CFH: variants seen among roughly 807,000 people sequenced by gnomAD.
CFH encodes the protein complement factor H, also known as H factor 1 (complement).
Under a neutral mutation model 147.3 loss-of-function variants are expected in CFH, and 53 were observed. The ratio of observed to expected loss-of-function variants is 0.36; its 90% CI spans 0.29 to 0.45. CFH has a LOEUF of 0.45. CFH is among the 20% of genes least tolerant of loss of function. The pLI is 1.00. For synonymous variants in CFH, 536 were observed against 489.4 expected (o/e 1.10, Z -1.26); for missense variants, 1,380 against 1,498.0 (o/e 0.92, Z 1.30).
intron 1 of CFH, among the ~76,000 whole-genome samples, chr1:196,656,071 C>G (rs1314530196): frequency 1.3e-5 from 2 of 152,004 alleles, no homozygotes; most frequent in East Asian, 3.9e-4. Flanking sequence ...TTTGGGAGGC[C>G]CAGGTGGGTG....
Position 196,689,431 on chromosome 1 carries a change from G to T in CFH, c.976G>T (p.Asp326Tyr). 1.2e-6 allele frequency: 2 copies of T among 1,612,604 alleles called. No homozygotes were observed. The highest frequency in any genetic ancestry group is 1.1e-5 in the South Asian group (1 of 90,812). The part of the protein sequence containing the change: ...PAPRCTLKPC[D>Y]YPDIKHGGLY... ...ATTTTTATTGCAAGTGAAACCTTGT[G>T]ATTATCCAGACATTAAACATGGAGG... Residue 326 changes from aspartate to tyrosine, a missense_variant, in exon 8 of 22, where the codon GAT becomes TAT. Around this residue, in one of 4 missense-constraint regions of CFH, gnomAD observed 167 missense variants for 228.0 expected, o/e 0.73. Transcript: ENST00000367429.
At chr1:196,680,256 T>G (rs1379046024) in intron 6 of CFH, among the ~76,000 whole-genome samples, 1 of 151,484 alleles carries the variant, frequency 6.6e-6, no homozygotes, top group Non-Finnish European at 1.5e-5. Context: ...GTGAATATTT[T>G]TGTTAACAAC....
chr1:196,679,261 T>C (rs1667569567), intron 5 of CFH: 1 of 174,950 alleles, frequency 5.7e-6, no homozygotes, highest in Non-Finnish European at 1.2e-5. Context: ...CTGTTGATAA[T>C]TCCTGTCTTA....
intron 1 of CFH, among the ~76,000 whole-genome samples, chr1:196,660,393 G>A (rs1048254326): frequency 3.3e-5 from 5 of 152,182 alleles, no homozygotes; most frequent in African/African-American, 1.2e-4. Context: ...AGCAATGCTG[G>A]ATAAGTAAAA....
At chr1:196,653,357 T>G (rs1666570246) in intron 1 of CFH, among the ~76,000 whole-genome samples, 1 of 151,836 alleles carries the variant, frequency 6.6e-6, no homozygotes. Flanking sequence ...TAATTAGTAT[T>G]TTAAAATGAA....
chr1:196,672,520 C>A (rs1321587082), intron 1 of CFH, among the ~76,000 whole-genome samples: 1 of 152,132 alleles, frequency 6.6e-6, no homozygotes. Context: ...GCATATTATA[C>A]ATCTCTTTGA....
chr1:196,729,049 C>G (rs1401880856), intron 15 of CFH, among the ~76,000 whole-genome samples: 7 of 152,052 alleles, frequency 4.6e-5, no homozygotes, highest in Admixed American at 4.6e-4. Flanking sequence ...TTGACACATA[C>G]AGTTTCACTT....
chr1:196,714,622 TATAC>T (rs3043113), intron 10 of CFH, among the ~76,000 whole-genome samples: 29 of 96,324 alleles, frequency 3.0e-4, no homozygotes, highest in Middle Eastern at 4.5e-3. Flanking sequence ...TGTGTGTGTG[TATAC>T]GTATATATGT....
At chr1:196,719,174 T>C (rs1347619831) in intron 11 of CFH, among the ~76,000 whole-genome samples, 1 of 152,004 alleles carries the variant, frequency 6.6e-6, no homozygotes, top group Non-Finnish European at 1.5e-5. Flanking sequence ...ATTCATGGAG[T>C]GTCCATTCAC....
intron 7 of CFH, among the ~76,000 whole-genome samples, chr1:196,686,536 A>G (rs1573023440): frequency 1.3e-5 from 2 of 152,254 alleles, no homozygotes; most frequent in Middle Eastern, 6.8e-3. Context: ...GTACATAGAC[A>G]AGAAGTACTA....
intron 14 of CFH, 45 bp downstream of exon 14, chr1:196,726,985 T>G (rs773335652): frequency 2.6e-6 from 4 of 1,554,154 alleles, no homozygotes; most frequent in South Asian, 1.1e-5. Context: ...AGTTTAATAT[T>G]TTTATTGTAA....
rs757876596 is a variant in CFH, at chr1:196,690,104, A to G, written c.1201A>G (p.Asn401Asp). 1 of 1,612,152 alleles carries G rather than the reference A, an allele frequency of 6.2e-7. No individual in the cohort carries two copies. Among genetic ancestry groups the G allele is most frequent in the Non-Finnish European group, 8.5e-7 (1 of 1,178,622 alleles). ...FPYLENGYNQNHGRKFVQGKS... is the reference protein window; with the variant it reads ...FPYLENGYNQDHGRKFVQGKS... ...TTATTTGGAAAATGGATATAATCAA[A>G]ATCATGGAAGAAAGTTTGTACAGGG... Residue 401 changes from asparagine to aspartate, a missense_variant, in exon 9 of 22, where the codon AAT becomes GAT. By Grantham distance (23) the Asn-to-Asp change is conservative. Transcript: ENST00000367429.
At chr1:196,673,728 C>A in intron 2 of CFH, 129 bp from the exon 3 acceptor site, 1 of 706,372 alleles carries the variant, frequency 1.4e-6, no homozygotes. Flanking sequence ...AATGGCTTTG[C>A]TATGTTTAAT....
chr1:196,696,930 G>T (rs979083099), intron 9 of CFH, among the ~76,000 whole-genome samples: 3 of 152,170 alleles, frequency 2.0e-5, no homozygotes, highest in African/African-American at 7.2e-5. Context: ...AATAAATGGT[G>T]CTGGGAAAAC....
rs931886069 is a variant in CFH at position 196,725,429 on chromosome 1, C to G, written c.1873+132C>G. The G allele has an allele frequency of 3.6e-6, 3 of 826,482 alleles. No individual in the cohort carries two copies. In the African/African-American group the frequency reaches 5.1e-5, roughly 14 times the overall value. The allele number at this position is 826,482 out of a possible 1,614,324, so 51.2% of individuals were successfully genotyped here. On this transcript the variant is annotated intron_variant, in intron 12 of 21. Coordinates refer to ENST00000367429, the MANE Select transcript of CFH (RefSeq NM_000186.4). ...AAGTCAAATATTTGCCTGTGAAGGA[C>G]ATGTATTGAGTACTGAATACCTGAG...
intron 9 of CFH, among the ~76,000 whole-genome samples, chr1:196,706,918 T>C (rs918503156): frequency 1.3e-5 from 2 of 152,140 alleles, no homozygotes; most frequent in African/African-American, 4.8e-5. Flanking sequence ...TATTTTTAGA[T>C]ACATTTTCAA....
intron 17 of CFH, among the ~76,000 whole-genome samples, chr1:196,738,468 C>T (rs1652662795): frequency 6.6e-6 from 1 of 152,120 alleles, no homozygotes; most frequent in South Asian, 2.1e-4. Flanking sequence ...AATGGGGGTA[C>T]AGGGATTGGG....
intron 9 of CFH, among the ~76,000 whole-genome samples, chr1:196,701,882 T>C (rs1355656557): frequency 2.6e-5 from 4 of 152,182 alleles, no homozygotes; most frequent in Non-Finnish European, 4.4e-5. Context: ...CTTTTTAACA[T>C]GGCTTAACCT....
chr1:196,652,396 A>T, intron 1 of CFH, among the ~76,000 whole-genome samples: 1 of 151,936 alleles, frequency 6.6e-6, no homozygotes, highest in East Asian at 1.9e-4. Context: ...TATAAAATAG[A>T]ATAAAATGTT....
Sources: gnomAD v4.1 joint callset for allele counts (sites outside exome capture counted in the v4.1 genomes callset) on GRCh38, gnomAD v4.1.1 for gene constraint, gnomAD v4.1.1 regional missense constraint, MANE v1.5 for transcripts, NCBI Gene and HGNC (gene_info 2026-07-23, HGNC 2026-07-21) for gene names.